Variants in CREB3L1 observed in about 807,000 individuals in gnomAD.
The protein encoded by CREB3L1 is cAMP responsive element binding protein 3 like 1.
CREB3L1 carries 33 observed loss-of-function variants against 54.5 expected under a neutral mutation model. The ratio of observed to expected loss-of-function variants is 0.61; its 90% CI spans 0.46 to 0.81. CREB3L1 has a LOEUF of 0.81. Ranked by LOEUF, CREB3L1 falls within the 30% of genes least tolerant of loss-of-function variation. The pLI, the probability that CREB3L1 is intolerant of heterozygous loss-of-function variation, is 0.00. For missense variants in CREB3L1, 656 were observed against 673.3 expected, an observed-to-expected ratio of 0.97 and a Z score of 0.29; for synonymous variants, 284 against 286.4, an observed-to-expected ratio of 0.99 and a Z score of 0.08.
intron 1 of CREB3L1, among the ~76,000 whole-genome samples, chr11:46,284,185 TGAGA>T (rs1449932548): frequency 7.9e-5 from 12 of 151,974 alleles, no homozygotes; most frequent in Non-Finnish European, 1.6e-4. Flanking sequence ...CGCGGACGAA[TGAGA>T]GAGACAGAGA....
chr11:46,320,171 C>T lies in CREB3L1; in HGVS notation c.1259-93C>T, dbSNP rs907294122. On this transcript the variant is annotated intron_variant, in intron 10 of 11. Transcript: ENST00000621158. The stretch of plus-strand genomic sequence containing the variant: ...GAAGTGTCAGAGCTGGGACTCAGAT[C>T]CAGGGCCTGCGTCCTTAACCACTAG... 6 of 1,373,988 alleles carry T rather than the reference C, an allele frequency of 4.4e-6. No homozygotes were observed. In the South Asian group the frequency reaches 4.5e-5, roughly 10 times the overall value. 85.1% of individuals were successfully genotyped at this position (1,373,988 alleles called of 1,614,324 possible). A position where few individuals can be genotyped will look rare whatever the true frequency, so the allele number is the denominator to read the frequency against.
rs771578871 is a variant in CREB3L1, at chr11:46,320,824, C to G, written c.*78C>G. 2.9e-5 allele frequency: 43 copies of G among 1,463,054 alleles called. 1 individual carries two copies. The highest frequency in any genetic ancestry group is 2.9e-4 in the South Asian group (24 of 83,154). 90.6% of individuals were successfully genotyped at this position (1,463,054 alleles called of 1,614,324 possible). On this transcript the variant is annotated 3_prime_UTR_variant, in exon 12 of 12. Transcript: ENST00000621158. ...TTCTTGCTCACTAACCCGGATCCGC[C>G]TCGTGCCCCTGCCTCCTGGAGCTTC...
intron 1 of CREB3L1, among the ~76,000 whole-genome samples, chr11:46,293,183 G>A (rs1939155159): frequency 6.6e-6 from 1 of 152,228 alleles, no homozygotes; most frequent in Admixed American, 6.5e-5. Context: ...CCGGCACTCG[G>A]TTTCCGGTGT....
chr11:46,306,318 C>G (rs1939396162), intron 2 of CREB3L1, among the ~76,000 whole-genome samples: 1 of 152,042 alleles, frequency 6.6e-6, no homozygotes, highest in Non-Finnish European at 1.5e-5. Flanking sequence ...GAGTTCGAGA[C>G]CAGCCTGGGC....
intron 2 of CREB3L1, 53 bp downstream of exon 2, chr11:46,300,216 A>C: frequency 1.4e-6 from 2 of 1,408,418 alleles, no homozygotes; most frequent in Non-Finnish European, 2.0e-6. Flanking sequence ...CCCAGGAGGG[A>C]GGAAGCTCTG....
At chr11:46,305,725 T>C (rs1939384205) in intron 2 of CREB3L1, among the ~76,000 whole-genome samples, 1 of 120,292 alleles carries the variant, frequency 8.3e-6, no homozygotes, top group South Asian at 2.6e-4. Flanking sequence ...TGTGTGTGTG[T>C]GTGTGTGTAT....
chr11:46,294,974 C>A (rs1451307538), intron 1 of CREB3L1, among the ~76,000 whole-genome samples: 1 of 152,184 alleles, frequency 6.6e-6, no homozygotes, highest in African/African-American at 2.4e-5. Flanking sequence ...TCAGGATTCC[C>A]CCCCACCCCT....
intron 10 of CREB3L1, 45 bp downstream of exon 10, chr11:46,317,532 C>T (rs1325793156): frequency 6.3e-7 from 1 of 1,597,326 alleles, no homozygotes; most frequent in African/African-American, 1.3e-5. Flanking sequence ...TGAGGCTGCC[C>T]TGCCCCAGCC....
At chr11:46,286,653 C>T (rs1291019145) in intron 1 of CREB3L1, among the ~76,000 whole-genome samples, 1 of 151,758 alleles carries the variant, frequency 6.6e-6, no homozygotes, top group African/African-American at 2.4e-5. Flanking sequence ...GGCGTGGTGG[C>T]GGGAGCCTGT....
At chr11:46,296,038 A>G (rs530983601) in intron 1 of CREB3L1, among the ~76,000 whole-genome samples, 1 of 152,212 alleles carries the variant, frequency 6.6e-6, no homozygotes, top group African/African-American at 2.4e-5. Context: ...TTGCCTGGAA[A>G]GGCACCCCTG....
intron 1 of CREB3L1, among the ~76,000 whole-genome samples, chr11:46,281,591 T>G (rs971540439): frequency 6.6e-6 from 1 of 151,912 alleles, no homozygotes; most frequent in African/African-American, 2.4e-5. Context: ...GGTGTGGGAG[T>G]GACGGGGACC....
At chr11:46,281,878 G>C (rs928235716) in intron 1 of CREB3L1, among the ~76,000 whole-genome samples, 1 of 152,168 alleles carries the variant, frequency 6.6e-6, no homozygotes, top group African/African-American at 2.4e-5. Flanking sequence ...AAGGCACTCT[G>C]GTCTCAGAGT....
chr11:46,317,412 C>T lies in CREB3L1; in HGVS notation c.1183C>T (p.Pro395Ser), dbSNP rs557139571. ...GCTGGGCTCCCTCGTGCCCTGCCTT[C>T]CCGAGTTCTCCTCCGGCTCCCAGAC... ...LVLGSLVPCLPEFSSGSQTVK... is the reference protein window; with the variant it reads ...LVLGSLVPCLSEFSSGSQTVK... Residue 395 changes from proline to serine, a missense_variant, in exon 10 of 12, where the codon CCC (proline) becomes TCC (serine). Pro to Ser is a moderately conservative substitution (Grantham distance 74). Transcript: ENST00000621158. The T allele has an allele frequency of 1.6e-5, 26 of 1,613,868 alleles. No individual in the cohort carries two copies. The South Asian group carries it at 2.5e-4, about 16-fold the overall frequency.
At chr11:46,288,143 C>T (rs915552003) in intron 1 of CREB3L1, among the ~76,000 whole-genome samples, 3 of 151,828 alleles carry the variant, frequency 2.0e-5, no homozygotes, top group East Asian at 1.9e-4. Flanking sequence ...AATGCAATGG[C>T]GCGACCTCCA....
chr11:46,292,047 C>T (rs1939138285), intron 1 of CREB3L1, among the ~76,000 whole-genome samples: 1 of 152,196 alleles, frequency 6.6e-6, no homozygotes, highest in Non-Finnish European at 1.5e-5. Context: ...GGCGGGTTGG[C>T]CACTGTGTTC....
chr11:46,320,594 T>C, intron 11 of CREB3L1, 66 bp downstream of exon 11: 1 of 1,548,688 alleles, frequency 6.5e-7, no homozygotes. Context: ...CCACCCTTGG[T>C]CCCCACATTG....
At chr11:46,281,554 G>A (rs778056132) in intron 1 of CREB3L1, among the ~76,000 whole-genome samples, 12 of 152,214 alleles carry the variant, frequency 7.9e-5, no homozygotes, top group Non-Finnish European at 1.6e-4. Flanking sequence ...CAGCACACCC[G>A]TTTACTCCCT....
At position 46,277,981 on chromosome 11, in the gene CREB3L1, T is replaced by C. The variant is rs1590334620; in HGVS notation, c.-131T>C. ...GGGCCGCGCCGCCTCCGTCCGCCCC[T>C]CCCCCGGGGCTTCGCCCCGGACCTG... On this transcript the variant is annotated 5_prime_UTR_variant, in exon 1 of 12. Transcript: ENST00000621158. 5.2e-5 allele frequency: 18 copies of C among 343,778 alleles called. No homozygotes were observed. Among genetic ancestry groups the C allele is most frequent in the South Asian group, 2.0e-4 (2 of 9,866 alleles). The allele number at this position is 343,778 out of a possible 1,614,324, so 21.3% of individuals were successfully genotyped here.
At chr11:46,282,325 C>T (rs988900930) in intron 1 of CREB3L1, among the ~76,000 whole-genome samples, 13 of 152,128 alleles carry the variant, frequency 8.5e-5, no homozygotes, top group Admixed American at 8.5e-4. Context: ...TTACCTTGAG[C>T]CATCCCCCTA....
Sources: gnomAD v4.1 joint callset for allele counts (sites outside exome capture counted in the v4.1 genomes callset) on GRCh38, gnomAD v4.1.1 for gene constraint, MANE v1.5 for transcripts, NCBI Gene and HGNC (gene_info 2026-07-23, HGNC 2026-07-21) for gene names.